The following SIL1 variants were observed in gnomAD, a reference collection of about 807,000 sequenced individuals.
SIL1 encodes the protein nucleotide exchange factor SIL1.
Under a neutral mutation model 49.1 loss-of-function variants are expected in SIL1, and 40 were observed. The ratio of observed to expected loss-of-function variants is 0.81; its 90% CI spans 0.63 to 1.06. The LOEUF is 1.06. SIL1 is among the 50% of genes least tolerant of loss of function. The pLI is 0.00. For missense variants in SIL1, 500 were observed against 572.6 expected (o/e 0.87, Z 1.29); for synonymous variants, 253 against 250.8 (o/e 1.01, Z -0.08).
At chr5:139,185,722 C>T (rs1752066770) in intron 1 of SIL1, among the ~76,000 whole-genome samples, 1 of 152,136 alleles carries the variant, frequency 6.6e-6, no homozygotes, top group Non-Finnish European at 1.5e-5. Context: ...GTAGTCTGCC[C>T]GAGATATCCC....
At chr5:139,031,023 T>C (rs949699172) in intron 5 of SIL1, among the ~76,000 whole-genome samples, 3 of 152,176 alleles carry the variant, frequency 2.0e-5, no homozygotes, top group Non-Finnish European at 4.4e-5. Flanking sequence ...TAACATAAAA[T>C]GAGGACTGCT....
intron 3 of SIL1, among the ~76,000 whole-genome samples, chr5:139,109,268 A>G (rs1438587865): frequency 6.6e-6 from 1 of 152,174 alleles, no homozygotes; most frequent in East Asian, 1.9e-4. Flanking sequence ...CAGCCTCTAC[A>G]TCTACAATTT....
chr5:138,979,215 C>T lies in SIL1; in HGVS notation c.768-27331G>A, dbSNP rs577092136. ...AAGTAGCTGGGATAACAGGAGTGCA[C>T]CACCACGCCCAGCTAATTTCTGTAT... On this transcript the variant is annotated intron_variant, in intron 7 of 9. Coordinates refer to ENST00000394817, the MANE Select transcript of SIL1 (RefSeq NM_022464.5). 7.4e-4 allele frequency among the ~76,000 whole-genome samples: 113 copies of T among 151,988 alleles called. 1 individual carries two copies. The highest frequency in any genetic ancestry group is 2.5e-3 in the African/African-American group (104 of 41,448).
chr5:139,122,115 C>T (rs1180398579), intron 2 of SIL1, among the ~76,000 whole-genome samples: 1 of 152,110 alleles, frequency 6.6e-6, no homozygotes, highest in Non-Finnish European at 1.5e-5. Context: ...CCCCTGTCAT[C>T]GCTTTTTCTC....
intron 3 of SIL1, among the ~76,000 whole-genome samples, chr5:139,104,100 A>G (rs1194356710): frequency 6.6e-6 from 1 of 152,218 alleles, no homozygotes; most frequent in East Asian, 1.9e-4. Flanking sequence ...GATTTGTCCT[A>G]AGTCTCTCCC....
At chr5:138,989,435 G>C (rs1767710114) in intron 7 of SIL1, among the ~76,000 whole-genome samples, 1 of 152,132 alleles carries the variant, frequency 6.6e-6, no homozygotes, top group Admixed American at 6.5e-5. Flanking sequence ...GAACCTCTGT[G>C]TACAGACTTC....
chr5:138,963,792 G>A (rs1767076467), intron 7 of SIL1, among the ~76,000 whole-genome samples: 1 of 152,210 alleles, frequency 6.6e-6, no homozygotes, highest in South Asian at 2.1e-4. Flanking sequence ...GGTTTTCCGT[G>A]GGGGCGGATC....
chr5:139,028,412 C>T (rs961051234), intron 5 of SIL1, among the ~76,000 whole-genome samples: 1 of 152,148 alleles, frequency 6.6e-6, no homozygotes, highest in South Asian at 2.1e-4. Flanking sequence ...GCAGGAGAAT[C>T]GCTTGAACCC....
intron 1 of SIL1, among the ~76,000 whole-genome samples, chr5:139,158,546 C>T (rs1407306710): frequency 6.6e-6 from 1 of 152,210 alleles, no homozygotes; most frequent in African/African-American, 2.4e-5. Flanking sequence ...GAGCCCACCC[C>T]TGCTCCCTCC....
intron 1 of SIL1, among the ~76,000 whole-genome samples, chr5:139,187,293 T>G (rs909329892): frequency 6.6e-6 from 1 of 151,254 alleles, no homozygotes; most frequent in Non-Finnish European, 1.5e-5. Context: ...CCGAGGCGGG[T>G]GGATCACAAG....
intron 1 of SIL1, among the ~76,000 whole-genome samples, chr5:139,142,139 G>GC: frequency 6.6e-6 from 1 of 152,180 alleles, no homozygotes; most frequent in South Asian, 2.1e-4. Context: ...AGTTCACCTG[G>GC]CCCAACTTCA....
chr5:139,094,807 A>T (rs1770419388), intron 3 of SIL1, among the ~76,000 whole-genome samples: 1 of 152,218 alleles, frequency 6.6e-6, no homozygotes, highest in African/African-American at 2.4e-5. Context: ...CTGTTCCAGC[A>T]TCCAATTCAC....
intron 7 of SIL1, among the ~76,000 whole-genome samples, chr5:138,975,374 G>A (rs1767373034): frequency 6.6e-6 from 1 of 152,122 alleles, no homozygotes; most frequent in East Asian, 1.9e-4. Flanking sequence ...CTACTGAGCT[G>A]GGCAGCTCAG....
intron 3 of SIL1, among the ~76,000 whole-genome samples, chr5:139,107,631 C>T (rs561537936): frequency 3.2e-4 from 49 of 152,312 alleles, no homozygotes; most frequent in African/African-American, 1.2e-3. Flanking sequence ...TTTGTCTCCT[C>T]CAATCTGTGA....
intron 4 of SIL1, 123 bp from the exon 5 acceptor site, chr5:139,042,842 T>A (rs1581053728): frequency 1.2e-6 from 1 of 867,136 alleles, no homozygotes; most frequent in Non-Finnish European, 1.9e-6. Flanking sequence ...CTACAAAAAA[T>A]TTAAAAATAT....
chr5:138,988,345 T>C (rs1767686009), intron 7 of SIL1, among the ~76,000 whole-genome samples: 1 of 152,226 alleles, frequency 6.6e-6, no homozygotes, highest in Non-Finnish European at 1.5e-5. Context: ...AACTAAAATT[T>C]TGAATTACAC....
intron 7 of SIL1, among the ~76,000 whole-genome samples, chr5:139,018,630 A>G (rs1220895714): frequency 2.0e-5 from 3 of 151,562 alleles, no homozygotes; most frequent in Non-Finnish European, 4.4e-5. Context: ...CAAGAGATAC[A>G]TGGTAGAATA....
At chr5:139,148,967 G>C (rs897244573) in intron 1 of SIL1, among the ~76,000 whole-genome samples, 1 of 152,112 alleles carries the variant, frequency 6.6e-6, no homozygotes, top group African/African-American at 2.4e-5. Context: ...GCAGCCCCTG[G>C]TAATGCCAGC....
At chr5:138,985,537 G>C (rs1433090541) in intron 7 of SIL1, among the ~76,000 whole-genome samples, 1 of 152,198 alleles carries the variant, frequency 6.6e-6, no homozygotes, top group Admixed American at 6.5e-5. Context: ...CCAGCACGCT[G>C]CCAGGGACTT....
Sources: allele counts gnomAD v4.1 joint callset (sites outside exome capture counted in the v4.1 genomes callset), GRCh38; gene constraint gnomAD v4.1.1; transcripts MANE v1.5; gene names NCBI Gene and HGNC (gene_info 2026-07-23, HGNC 2026-07-21).